DTWD2: variants seen among roughly 807,000 people sequenced by gnomAD.
The protein encoded by DTWD2 is tRNA-uridine aminocarboxypropyltransferase 2.
Under a neutral mutation model 31.8 loss-of-function variants are expected in DTWD2, and 39 were observed. That is an observed-to-expected ratio of 1.22 (90% CI 0.95 to 1.60). The LOEUF (loss-of-function observed/expected upper bound fraction) is 1.60, where lower values mean the gene tolerates loss of function less well. DTWD2 is among the 40% of genes most tolerant of loss of function. The pLI is 0.00. For missense variants in DTWD2, 515 were observed against 381.5 expected, an observed-to-expected ratio of 1.35 and a Z score of -2.92; for synonymous variants, 180 against 142.8, an observed-to-expected ratio of 1.26 and a Z score of -1.86.
chr5:118,985,517 T>TATATATATAC (rs1554072595), intron 1 of DTWD2, among the ~76,000 whole-genome samples: 2,387 of 107,490 alleles, frequency 0.022, 34 homozygotes, highest in Middle Eastern at 0.074. Flanking sequence ...TATATATATA[T>TATATATATAC]ACACACACAT....
intron 4 of DTWD2, among the ~76,000 whole-genome samples, chr5:118,861,566 C>T (rs1468722334): frequency 1.3e-5 from 2 of 150,700 alleles, no homozygotes; most frequent in African/African-American, 2.5e-5. Flanking sequence ...TAGGTTTTAA[C>T]GAAACTGATT....
intron 4 of DTWD2, among the ~76,000 whole-genome samples, chr5:118,875,455 A>G (rs1233534861): frequency 6.6e-6 from 1 of 151,840 alleles, no homozygotes; most frequent in Non-Finnish European, 1.5e-5. Flanking sequence ...TCTTCAAGAG[A>G]CCATCTCACA....
Position 118,865,182 on chromosome 5 carries a change from C to T in DTWD2, c.598-16964G>A, listed in dbSNP as rs191872919. 2.0e-5 allele frequency among the ~76,000 whole-genome samples: 3 copies of T among 152,298 alleles called. No individual in the cohort carries two copies. The East Asian group carries it at 5.8e-4, about 29-fold the overall frequency. ...GAATTTGAGAAAAAGCATTCCTTCA[C>T]AACCGGTAACCTTCAATCTAGGCTG... On this transcript the variant is annotated intron_variant, in intron 4 of 5. Coordinates refer to ENST00000510708, the MANE Select transcript of DTWD2 (RefSeq NM_173666.4).
In DTWD2 at chr5:118,840,954, C is replaced by G. The variant is rs1275422910; in HGVS notation, c.860G>C (p.Arg287Thr). The change falls in exon 6 of 6, where the codon AGG becomes ACG. Residue 287 changes from arginine to threonine, a missense_variant. Transcript: ENST00000510708. ...ACTATTCATTAACAATTCCATTTTC[C>G]TGAGTTTGCGTTTGTTCTTTGGCAT... ...KPMPKNKRKL[R>T]KMELLMNSVK... 6 of 1,613,524 alleles carry G rather than the reference C, an allele frequency of 3.7e-6. No individual in the cohort carries two copies. Among genetic ancestry groups the G allele is most frequent in the Non-Finnish European group, 5.1e-6 (6 of 1,179,700 alleles).
chr5:118,937,623 C>T (rs966121273), intron 3 of DTWD2, among the ~76,000 whole-genome samples: 4 of 152,146 alleles, frequency 2.6e-5, no homozygotes, highest in African/African-American at 9.7e-5. Context: ...AAGGTCAATA[C>T]CAGAGTCATA....
intron 4 of DTWD2, among the ~76,000 whole-genome samples, chr5:118,896,531 A>G (rs988581771): frequency 6.6e-6 from 1 of 152,214 alleles, no homozygotes; most frequent in Non-Finnish European, 1.5e-5. Context: ...ATGTTAATAA[A>G]ACCAGAGAAG....
At chr5:118,871,677 G>C (rs1409166416) in intron 4 of DTWD2, among the ~76,000 whole-genome samples, 1 of 152,192 alleles carries the variant, frequency 6.6e-6, no homozygotes, top group Non-Finnish European at 1.5e-5. Context: ...GCTGTAAACA[G>C]ATGAGCCATC....
chr5:118,841,199 T>A (rs567154180), intron 5 of DTWD2, 112 bp from the exon 6 acceptor site: 14 of 1,248,666 alleles, frequency 1.1e-5, no homozygotes, highest in Non-Finnish European at 1.4e-5. Flanking sequence ...ATGATTGGCT[T>A]TTAACTATGA....
rs1325119048 is a variant in DTWD2 at position 118,839,598 on chromosome 5, GCAATT to G, written c.*1314_*1318del. On this transcript the variant is annotated 3_prime_UTR_variant, in exon 6 of 6. Coordinates refer to ENST00000510708, the MANE Select transcript of DTWD2 (RefSeq NM_173666.4). Reference sequence around the variant, plus strand: ...GCTGGTCTCAAACTCCTGGGCTCAAGCAATTCTCACATCTCAGCCTCCCAAAGTGC... The same window carrying G: ...GCTGGTCTCAAACTCCTGGGCTCAAGCTCACATCTCAGCCTCCCAAAGTGC... The G allele has an allele frequency of 1.3e-5, 2 of 152,064 alleles. No homozygotes were observed. The highest frequency in any genetic ancestry group is 2.9e-5 in the Non-Finnish European group (2 of 68,022). 9.4% of individuals were successfully genotyped at this position (152,064 alleles called of 1,614,324 possible).
intron 4 of DTWD2, among the ~76,000 whole-genome samples, chr5:118,856,944 T>G (rs569146229): frequency 8.6e-5 from 13 of 151,800 alleles, no homozygotes; most frequent in African/African-American, 3.1e-4. Context: ...AATTAATTTT[T>G]TTTTGTATTT....
At chr5:118,914,999 G>A (rs958970123) in intron 4 of DTWD2, among the ~76,000 whole-genome samples, 2 of 152,030 alleles carry the variant, frequency 1.3e-5, no homozygotes, top group African/African-American at 4.8e-5. Context: ...GGCTAAGGTG[G>A]GTGGATCACA....
At chr5:118,887,860 CAAACTCCT>C (rs1752900520) in intron 4 of DTWD2, among the ~76,000 whole-genome samples, 1 of 152,176 alleles carries the variant, frequency 6.6e-6, no homozygotes, top group Non-Finnish European at 1.5e-5. Flanking sequence ...AGGCTTGTCT[CAAACTCCT>C]AAGCTCAAGT....
At chr5:118,932,029 C>T (rs549206162) in intron 3 of DTWD2, among the ~76,000 whole-genome samples, 5 of 151,906 alleles carry the variant, frequency 3.3e-5, no homozygotes, top group African/African-American at 9.7e-5. Flanking sequence ...TTGAACTAAA[C>T]GAAAATGAAA....
chr5:118,981,906 C>G (rs1444796213), intron 1 of DTWD2, among the ~76,000 whole-genome samples: 1 of 152,208 alleles, frequency 6.6e-6, no homozygotes, highest in Non-Finnish European at 1.5e-5. Flanking sequence ...TAAATACTTA[C>G]TACATGCAAG....
At chr5:118,973,086 T>G (rs1211623737) in intron 1 of DTWD2, among the ~76,000 whole-genome samples, 1 of 151,870 alleles carries the variant, frequency 6.6e-6, no homozygotes, top group Non-Finnish European at 1.5e-5. Flanking sequence ...CCCCTTTTTT[T>G]TTTTTTTTTT....
At chr5:118,907,509 T>A (rs1242007266) in intron 4 of DTWD2, among the ~76,000 whole-genome samples, 1 of 152,094 alleles carries the variant, frequency 6.6e-6, no homozygotes, top group Non-Finnish European at 1.5e-5. Context: ...GGCGGGCAGA[T>A]CACTTGAGGT....
chr5:118,941,171 T>C (rs1245501953), intron 2 of DTWD2, among the ~76,000 whole-genome samples: 1 of 151,908 alleles, frequency 6.6e-6, no homozygotes, highest in African/African-American at 2.4e-5. Flanking sequence ...TTTTTTCTTT[T>C]TATTATATAT....
chr5:118,980,004 T>G (rs1289115395), intron 1 of DTWD2, among the ~76,000 whole-genome samples: 2 of 152,216 alleles, frequency 1.3e-5, no homozygotes, highest in Non-Finnish European at 2.9e-5. Context: ...AACTTAAAAG[T>G]TGAAAAGAAA....
intron 4 of DTWD2, among the ~76,000 whole-genome samples, chr5:118,852,693 A>C (rs1752038337): frequency 6.7e-6 from 1 of 149,410 alleles, no homozygotes; most frequent in South Asian, 2.2e-4. Flanking sequence ...CGAACTATCA[A>C]TTGACCCAGA....
Sources: gnomAD v4.1 joint callset for allele counts (sites outside exome capture counted in the v4.1 genomes callset) on GRCh38, gnomAD v4.1.1 for gene constraint, MANE v1.5 for transcripts, NCBI Gene and HGNC (gene_info 2026-07-23, HGNC 2026-07-21) for gene names.